Variants in PTPRG observed in about 807,000 individuals in gnomAD.
The protein encoded by PTPRG is receptor-type tyrosine-protein phosphatase gamma.
PTPRG carries 102 observed loss-of-function variants against 165.3 expected under a neutral mutation model. The observed-to-expected ratio is 0.62, with a 90% CI of 0.53 to 0.73. The LOEUF (loss-of-function observed/expected upper bound fraction) is 0.73, where lower values mean the gene tolerates loss of function less well. PTPRG is among the 30% of genes least tolerant of loss of function. The pLI is 0.00. For synonymous variants in PTPRG, 675 were observed against 669.5 expected (o/e 1.01, Z -0.13); for missense variants, 1,866 against 1,861.4 (o/e 1.00, Z -0.05).
chr3:61,676,471 A>AAAAAAAAAAAAAAAG (rs369505317), intron 1 of PTPRG, among the ~76,000 whole-genome samples: 2,558 of 98,750 alleles, frequency 0.026, 436 homozygotes, highest in Non-Finnish European at 0.048. Flanking sequence ...AAAAAAAAAA[A>AAAAAAAAAAAAAAAG]AAAGAAAATT....
chr3:61,919,949 A>G (rs77920868), intron 2 of PTPRG, among the ~76,000 whole-genome samples: 3,263 of 152,336 alleles, frequency 0.021, 106 homozygotes, highest in African/African-American at 0.074. Flanking sequence ...TGGTTACCCA[A>G]GAGAAGAAGA....
intron 21 of PTPRG, among the ~76,000 whole-genome samples, chr3:62,272,633 C>T (rs1257393366): frequency 6.6e-6 from 1 of 152,066 alleles, no homozygotes. Flanking sequence ...CACCTGAGGT[C>T]AGGAGTTCGA....
chr3:61,609,289 G>A (rs906399977), intron 1 of PTPRG, among the ~76,000 whole-genome samples: 2 of 152,140 alleles, frequency 1.3e-5, no homozygotes, highest in Non-Finnish European at 2.9e-5. Flanking sequence ...TAATTTTCAT[G>A]TTTTCCTGTT....
chr3:62,156,092 T>C (rs1559578148), intron 6 of PTPRG, among the ~76,000 whole-genome samples: 1 of 152,242 alleles, frequency 6.6e-6, no homozygotes, highest in Non-Finnish European at 1.5e-5. Context: ...TTGGAAGAAT[T>C]ATAAGATATT....
At chr3:62,101,747 C>T (rs1401757392) in intron 5 of PTPRG, among the ~76,000 whole-genome samples, 5 of 152,190 alleles carry the variant, frequency 3.3e-5, no homozygotes, top group African/African-American at 1.2e-4. Flanking sequence ...GATTTCTTCT[C>T]CTGTGAACCA....
In PTPRG at chr3:61,889,041, A is replaced by G. The variant is rs9846369; in HGVS notation, c.191-100584A>G. 5.0e-3 allele frequency among the ~76,000 whole-genome samples: 754 copies of G among 152,310 alleles called. 3 individuals carry two copies. Among genetic ancestry groups the G allele is most frequent in the African/African-American group, 0.017 (704 of 41,562 alleles). On this transcript the variant is annotated intron_variant, in intron 2 of 29. Transcript: ENST00000474889. The stretch of plus-strand genomic sequence containing the variant: ...GGATGCCAGTTTATAAAATTTCTCA[A>G]CTGTAAAGCTAATAATGTTTTCTCA...
At chr3:62,056,277 C>G in intron 4 of PTPRG, among the ~76,000 whole-genome samples, 1 of 152,170 alleles carries the variant, frequency 6.6e-6, no homozygotes, top group Non-Finnish European at 1.5e-5. Context: ...GTGCTTCGTT[C>G]TGTACAAAGG....
intron 6 of PTPRG, among the ~76,000 whole-genome samples, chr3:62,139,391 G>T (rs1470780201): frequency 6.6e-6 from 1 of 152,058 alleles, no homozygotes; most frequent in Non-Finnish European, 1.5e-5. Flanking sequence ...CCTGAGAGGC[G>T]AAGTTTCCAG....
chr3:61,847,202 T>C (rs1219103716), intron 2 of PTPRG, among the ~76,000 whole-genome samples: 1 of 152,040 alleles, frequency 6.6e-6, no homozygotes, highest in Non-Finnish European at 1.5e-5. Flanking sequence ...GTATAACAGG[T>C]GTCCTTATGT....
At chr3:61,918,595 A>G (rs774684290) in intron 2 of PTPRG, among the ~76,000 whole-genome samples, 9 of 152,208 alleles carry the variant, frequency 5.9e-5, no homozygotes, top group Non-Finnish European at 7.3e-5. Context: ...AGTAAAAGCC[A>G]TACATGTTGT....
At chr3:62,158,463 C>T (rs1225984808) in intron 7 of PTPRG, among the ~76,000 whole-genome samples, 2 of 152,112 alleles carry the variant, frequency 1.3e-5, no homozygotes, top group Non-Finnish European at 2.9e-5. Flanking sequence ...TGTTCTAGTA[C>T]CAGTTGACCT....
chr3:61,587,511 T>A (rs1700459619), intron 1 of PTPRG, among the ~76,000 whole-genome samples: 1 of 152,192 alleles, frequency 6.6e-6, no homozygotes, highest in South Asian at 2.1e-4. Context: ...TTCTCTTGCT[T>A]AAGTATAATA....
chr3:61,810,643 C>G (rs2035546707), intron 2 of PTPRG, among the ~76,000 whole-genome samples: 1 of 152,162 alleles, frequency 6.6e-6, no homozygotes. Context: ...TCTTGGCCAC[C>G]CAACTCCTAC....
At chr3:62,025,209 T>G (rs2041779209) in intron 4 of PTPRG, among the ~76,000 whole-genome samples, 2 of 152,166 alleles carry the variant, frequency 1.3e-5, no homozygotes, top group Non-Finnish European at 2.9e-5. Flanking sequence ...GCTTAAGAAA[T>G]GAACTAATTG....
intron 2 of PTPRG, among the ~76,000 whole-genome samples, chr3:61,814,550 A>G (rs2035697923): frequency 6.6e-6 from 1 of 151,800 alleles, no homozygotes; most frequent in Non-Finnish European, 1.5e-5. Flanking sequence ...TTTATACTTG[A>G]AGATCTGCTC....
In PTPRG at chr3:61,995,552, C is replaced by T. The variant is rs528114269; in HGVS notation, c.370+5748C>T. Reference sequence around the variant, plus strand: ...AATCAAGAGATTGGTTAGGAAGTTTCTAGGAAAAGTGTGTTTGTGTGTGTG... The same window carrying T: ...AATCAAGAGATTGGTTAGGAAGTTTTTAGGAAAAGTGTGTTTGTGTGTGTG... On this transcript the variant is annotated intron_variant, in intron 3 of 29. Transcript: ENST00000474889. 4.6e-5 allele frequency among the ~76,000 whole-genome samples: 7 copies of T among 151,660 alleles called. 1 individual carries two copies. Among genetic ancestry groups the T allele is most frequent in the African/African-American group, 1.7e-4 (7 of 41,330 alleles).
At chr3:61,862,458 C>T (rs1359979828) in intron 2 of PTPRG, among the ~76,000 whole-genome samples, 1 of 150,916 alleles carries the variant, frequency 6.6e-6, no homozygotes, top group Non-Finnish European at 1.5e-5. Context: ...CTTGGCTCAC[C>T]ACAACCTCCA....
chr3:61,680,522 A>C (rs1559554533), intron 1 of PTPRG, among the ~76,000 whole-genome samples: 1 of 82,724 alleles, frequency 1.2e-5, no homozygotes, highest in Admixed American at 1.2e-4. Context: ...AAAAAAACAC[A>C]AAAAAACAGC....
intron 6 of PTPRG, among the ~76,000 whole-genome samples, chr3:62,137,426 G>C (rs1469526380): frequency 6.6e-6 from 1 of 152,122 alleles, no homozygotes; most frequent in Non-Finnish European, 1.5e-5. Flanking sequence ...GGCAGATGAG[G>C]CAAAACTCTG....
Sources: gnomAD v4.1 joint callset for allele counts (sites outside exome capture counted in the v4.1 genomes callset) on GRCh38, gnomAD v4.1.1 for gene constraint, MANE v1.5 for transcripts, NCBI Gene and HGNC (gene_info 2026-07-23, HGNC 2026-07-21) for gene names.